Variants in VCF2 observed in about 807,000 individuals in gnomAD.
VCF2 encodes the protein protein VCF2.
At chrX:55,150,301 G>A in the VCF2 span, among the ~76,000 whole-genome samples, 1 of 111,620 alleles carries the variant, frequency 9.0e-6, no homozygotes, top group Admixed American at 9.5e-5. Context: ...CCACAGATGG[G>A]GGAAGGAAGG....
chrX:55,160,713 G>C, the VCF2 span: 1 of 698,248 alleles, frequency 1.4e-6, no homozygotes. Context: ...AAACCAATCA[G>C]AGAAACAGAA....
chrX:55,145,577 A>T, the VCF2 span: 1 of 756,467 alleles, frequency 1.3e-6, no homozygotes, highest in Non-Finnish European at 1.6e-6. Context: ...ATGGCAGTTC[A>T]TTTCAGTGCA....
At chrX:55,156,927 A>G in the VCF2 span, among the ~76,000 whole-genome samples, 1 of 112,407 alleles carries the variant, frequency 8.9e-6, no homozygotes, top group Non-Finnish European at 1.9e-5. Context: ...TTCAATTGCA[A>G]TATGAAAGTG....
At chrX:55,151,367 T>A in the VCF2 span, among the ~76,000 whole-genome samples, 1 of 112,424 alleles carries the variant, frequency 8.9e-6, no homozygotes, top group East Asian at 2.8e-4. Context: ...AAGTAAAGAA[T>A]GGCACTTTCT....
chrX:55,160,907 A>AT, the VCF2 span: 8 of 1,158,330 alleles, frequency 6.9e-6, no homozygotes, highest in Admixed American at 5.2e-5. Flanking sequence ...GCTTCGCGGG[A>AT]TTTTTTTTCA....
chrX:55,145,630 GTTTT>G, the VCF2 span: 5 of 758,043 alleles, frequency 6.6e-6, no homozygotes, highest in Middle Eastern at 7.5e-4. Context: ...CTAACTTATG[GTTTT>G]TTGAGTGTGG....
the VCF2 span, among the ~76,000 whole-genome samples, chrX:55,157,321 C>A: frequency 1.8e-5 from 2 of 111,888 alleles, no homozygotes; most frequent in African/African-American, 6.5e-5. Context: ...TCACTTGAGG[C>A]CAGGAGTTCG....
At chrX:55,155,547 T>C in the VCF2 span, among the ~76,000 whole-genome samples, 2 of 111,975 alleles carry the variant, frequency 1.8e-5, no homozygotes, top group African/African-American at 3.2e-5. Context: ...CAGTAAATAT[T>C]TGGTAATGCA....
the VCF2 span, among the ~76,000 whole-genome samples, chrX:55,155,941 C>CTTT: frequency 9.9e-4 from 50 of 50,483 alleles, no homozygotes; most frequent in East Asian, 1.5e-3. Context: ...TCTTCTTCTT[C>CTTT]TTTTTTTTTT....
chrX:55,159,463 A>T, the VCF2 span, among the ~76,000 whole-genome samples: 16 of 112,501 alleles, frequency 1.4e-4, no homozygotes, highest in East Asian at 4.1e-3. Context: ...TCTAGAAATA[A>T]TTTTCATAAC....
At chrX:55,143,477 G>C in the VCF2 span, 29 of 149,942 alleles carry the variant, frequency 1.9e-4, no homozygotes, top group Non-Finnish European at 3.1e-4. Flanking sequence ...AGTTTCAGGG[G>C]AGGGGGAAGG....
chrX:55,155,805 A>C, the VCF2 span, among the ~76,000 whole-genome samples: 2 of 111,545 alleles, frequency 1.8e-5, no homozygotes, highest in Non-Finnish European at 3.8e-5. Context: ...AACTGAGGAG[A>C]TGAGGAGGAA....
At chrX:55,144,943 C>A in the VCF2 span, among the ~76,000 whole-genome samples, 9 of 112,956 alleles carry the variant, frequency 8.0e-5, no homozygotes, top group East Asian at 2.2e-3. Context: ...TTTGTTCACA[C>A]AGCTCACCAC....
the VCF2 span, among the ~76,000 whole-genome samples, chrX:55,147,935 T>C: frequency 9.0e-6 from 1 of 111,141 alleles, no homozygotes; most frequent in African/African-American, 3.2e-5. Flanking sequence ...CTATCAATAT[T>C]TTTATTAGCT....
the VCF2 span, among the ~76,000 whole-genome samples, chrX:55,157,610 A>G: frequency 8.9e-6 from 1 of 112,208 alleles, no homozygotes; most frequent in Non-Finnish European, 1.9e-5. Context: ...ATTTCCTATC[A>G]GCTGAAAAAT....
At chrX:55,147,550 T>G in the VCF2 span, among the ~76,000 whole-genome samples, 4 of 110,241 alleles carry the variant, frequency 3.6e-5, no homozygotes, top group East Asian at 1.1e-3. Context: ...AATGAAGTTA[T>G]GAATATTCCA....
the VCF2 span, among the ~76,000 whole-genome samples, chrX:55,157,881 G>A: frequency 8.9e-6 from 1 of 112,347 alleles, no homozygotes; most frequent in African/African-American, 3.2e-5. Flanking sequence ...TTCCTGGCAA[G>A]TTAGACACAC....
chrX:55,159,336 A>G, the VCF2 span: 7 of 558,228 alleles, frequency 1.3e-5, no homozygotes, highest in Non-Finnish European at 1.9e-5. Flanking sequence ...TGTCTGAAAA[A>G]ATGTCACTAT....
the VCF2 span, chrX:55,160,829 C>T: frequency 3.5e-6 from 4 of 1,155,832 alleles, no homozygotes; most frequent in Non-Finnish European, 4.6e-6. Context: ...CACATCCCCA[C>T]CTCACCCCCG....
Sources: gnomAD v4.1 joint callset for allele counts (sites outside exome capture counted in the v4.1 genomes callset) on GRCh38, gnomAD v4.1.1 for gene constraint, MANE v1.5 for transcripts, NCBI Gene and HGNC (gene_info 2026-07-23, HGNC 2026-07-21) for gene names.